Variants in COA1 observed in about 807,000 individuals in gnomAD.
COA1 encodes the protein cytochrome c oxidase assembly factor 1, also known as cytochrome c oxidase assembly factor 1 homolog.
In COA1, 13 loss-of-function variants were observed where a neutral mutation model predicts 16.0. The ratio of observed to expected loss-of-function variants is 0.81; its 90% CI spans 0.53 to 1.29. The LOEUF (loss-of-function observed/expected upper bound fraction) is 1.29, where lower values mean the gene tolerates loss of function less well. Ranked by LOEUF, COA1 falls within the 50% of genes most tolerant of loss-of-function variation. The probability of loss-of-function intolerance (pLI) is 0.00; values close to 1 mark genes in which losing one functional copy is unlikely to be tolerated. For synonymous variants in COA1, 65 were observed against 65.7 expected (o/e 0.99, Z 0.05); for missense variants, 179 against 177.0 (o/e 1.01, Z -0.06).
In COA1 at chr7:43,640,554, C is replaced by T. The variant is rs940150339; in HGVS notation, c.341+19G>A. The T allele has an allele frequency of 3.2e-6, 5 of 1,581,620 alleles. No homozygotes were observed. The highest frequency in any genetic ancestry group is 1.1e-5 in the South Asian group (1 of 88,146). ...AGTCTTCCTCCCGCTCCCCCACTGC[C>T]GTCACCTTCCCAGGATACCTCTGAA... On this transcript the variant is annotated intron_variant, in intron 5 of 5. Coordinates refer to ENST00000223336, the MANE Select transcript of COA1 (RefSeq NM_018224.4).
chr7:43,728,346 T>C (rs1421153958), intron 1 of COA1, among the ~76,000 whole-genome samples: 1 of 100,742 alleles, frequency 9.9e-6, no homozygotes, highest in Non-Finnish European at 1.8e-5. Context: ...CTGAAGACTT[T>C]TGTTTTGTGT....
At chr7:43,651,362 A>G (rs1231645335) in intron 1 of COA1, among the ~76,000 whole-genome samples, 1 of 152,216 alleles carries the variant, frequency 6.6e-6, no homozygotes, top group Non-Finnish European at 1.5e-5. Flanking sequence ...TCTCTGAGGA[A>G]AGCAGTCTTA....
chr7:43,686,681 A>T (rs1017707908), intron 1 of COA1, among the ~76,000 whole-genome samples: 4 of 152,340 alleles, frequency 2.6e-5, no homozygotes, highest in African/African-American at 9.6e-5. Flanking sequence ...AGGCTGCCAT[A>T]TGTCACTTTT....
chr7:43,623,710 A>T (rs1261697884), intron 6 of COA1: 2 of 1,600,818 alleles, frequency 1.2e-6, no homozygotes, highest in Non-Finnish European at 8.5e-7. Context: ...CTAATTTAGG[A>T]GCATTGGAGT....
chr7:43,727,456 G>A (rs73110531), intron 1 of COA1, among the ~76,000 whole-genome samples: 2,943 of 152,230 alleles, frequency 0.019, 48 homozygotes, highest in Non-Finnish European at 0.03. Flanking sequence ...TGGCCAAAAG[G>A]TGGAAACAAT....
At chr7:43,694,891 G>A (rs2094482468) in intron 1 of COA1, among the ~76,000 whole-genome samples, 1 of 152,306 alleles carries the variant, frequency 6.6e-6, no homozygotes, top group African/African-American at 2.4e-5. Context: ...TAAACTCCAG[G>A]CTTCTCCCTC....
intron 6 of COA1, among the ~76,000 whole-genome samples, chr7:43,614,253 C>T (rs2083144338): frequency 6.6e-6 from 1 of 152,164 alleles, no homozygotes; most frequent in Non-Finnish European, 1.5e-5. Flanking sequence ...TCCCTACAGC[C>T]ACCATCTATT....
intron 1 of COA1, among the ~76,000 whole-genome samples, chr7:43,686,641 G>C (rs556690635): frequency 6.6e-6 from 1 of 152,274 alleles, no homozygotes; most frequent in South Asian, 2.1e-4. Flanking sequence ...GGTGGGGAGC[G>C]GAATGTGACA....
chr7:43,635,367 CAAAT>C (rs538984861), downstream of COA1, among the ~76,000 whole-genome samples: 59 of 152,252 alleles, frequency 3.9e-4, no homozygotes, highest in African/African-American at 1.1e-3. Flanking sequence ...GCTGGGGTAA[CAAAT>C]AGCCCCCCAT....
intron 6 of COA1, chr7:43,624,494 A>G: frequency 6.4e-7 from 1 of 1,573,028 alleles, no homozygotes; most frequent in African/African-American, 1.4e-5. Flanking sequence ...ACATGTCTTA[A>G]CTGTAAAACA....
At chr7:43,724,069 C>T (rs1330124932) in intron 1 of COA1, among the ~76,000 whole-genome samples, 1 of 152,106 alleles carries the variant, frequency 6.6e-6, no homozygotes, top group Admixed American at 6.6e-5. Flanking sequence ...ACACCTACAC[C>T]CCTTCAAGTA....
In COA1 at chr7:43,610,164, G is replaced by A. The variant is rs543025886; in HGVS notation, c.*134-669C>T. Among the ~76,000 whole-genome samples, 28 of 151,858 alleles carry A rather than the reference G, an allele frequency of 1.8e-4. No individual in the cohort carries two copies. In the East Asian group the frequency reaches 3.1e-3, roughly 17 times the overall value. ...GATCGAGACCATCCTGGCTAACACG[G>A]TGAAACCCTGTCTGTAGTAAAAATA... is the stretch of plus-strand genomic sequence containing the variant. On this transcript the variant is annotated intron_variant and NMD_transcript_variant, in intron 6 of 6. Coordinates refer to the COA1 transcript ENST00000415076.
chr7:43,615,823 A>G (rs989075650), intron 6 of COA1, among the ~76,000 whole-genome samples: 12 of 151,648 alleles, frequency 7.9e-5, no homozygotes, highest in Non-Finnish European at 1.3e-4. Flanking sequence ...GCTTACTCCA[A>G]CCCCTCCAGG....
chr7:43,647,746 C>A (rs1436888599), intron 2 of COA1, 112 bp from the exon 3 acceptor site: 2 of 734,632 alleles, frequency 2.7e-6, no homozygotes, highest in East Asian at 5.4e-5. Flanking sequence ...AGAAAGGAGG[C>A]CAGACCGCCC....
intron 6 of COA1, among the ~76,000 whole-genome samples, chr7:43,630,752 A>G (rs1482822225): frequency 6.6e-6 from 1 of 152,208 alleles, no homozygotes; most frequent in Non-Finnish European, 1.5e-5. Flanking sequence ...TATTTGCACA[A>G]TGTATATCAT....
chr7:43,655,253 A>G (rs897649174), intron 1 of COA1, among the ~76,000 whole-genome samples: 12 of 152,192 alleles, frequency 7.9e-5, no homozygotes, highest in African/African-American at 2.9e-4. Flanking sequence ...TCCTCCTGCC[A>G]AGTACTAGTA....
intron 6 of COA1, among the ~76,000 whole-genome samples, chr7:43,620,290 T>TG (rs2083745595): frequency 6.6e-6 from 1 of 152,140 alleles, no homozygotes; most frequent in Non-Finnish European, 1.5e-5. Flanking sequence ...TGAGGAAAAT[T>TG]GGAGTTTGAA....
downstream of COA1, among the ~76,000 whole-genome samples, chr7:43,636,446 T>C (rs536817172): frequency 3.9e-4 from 60 of 152,310 alleles, no homozygotes; most frequent in African/African-American, 1.4e-3. Flanking sequence ...TTGGTAAATA[T>C]TTATTCATAT....
intron 6 of COA1, among the ~76,000 whole-genome samples, chr7:43,630,266 AT>A (rs1255666100): frequency 1.3e-5 from 2 of 152,168 alleles, no homozygotes; most frequent in Non-Finnish European, 2.9e-5. Context: ...GGAGCAGCTT[AT>A]TTTACATGGC....
Sources: gnomAD v4.1 joint callset for allele counts (sites outside exome capture counted in the v4.1 genomes callset) on GRCh38, gnomAD v4.1.1 for gene constraint, MANE v1.5 for transcripts, NCBI Gene and HGNC (gene_info 2026-07-23, HGNC 2026-07-21) for gene names.